Variants in SLC7A4 observed in about 807,000 individuals in gnomAD.
The protein encoded by SLC7A4 is solute carrier family 7 member 4.
In SLC7A4, 30 loss-of-function variants were observed where a neutral mutation model predicts 37.8. The observed-to-expected ratio is 0.79, with a 90% confidence interval of 0.59 to 1.08. The LOEUF is 1.08. Ranked by LOEUF, SLC7A4 falls within the 50% of genes least tolerant of loss-of-function variation. The pLI is 0.00. For synonymous variants in SLC7A4, 359 were observed against 376.5 expected (o/e 0.95, Z 0.54); for missense variants, 839 against 843.2 (o/e 1.00, Z 0.06).
Position 21,029,928 on chromosome 22 carries a change from A to G in SLC7A4, c.1406T>C (p.Leu469Ser). ...CACTGCTCCAGGGCTGTACCCATCCAAGAAGCCCAGGTAGGGCCTCAGGGC... is the reference window on the plus strand; with the variant it reads ...CACTGCTCCAGGGCTGTACCCATCCGAGAAGCCCAGGTAGGGCCTCAGGGC... ...KPALRPYLGFLDGYSPGAVVT... is the reference protein window; with the variant it reads ...KPALRPYLGFSDGYSPGAVVT... The change falls in exon 3 of 5, where the codon TTG (leucine) becomes TCG (serine). Residue 469 changes from leucine (L) to serine (S), a missense_variant. Physicochemically the swap from Leu to Ser is moderately radical, Grantham distance 145 (BLOSUM62 -2). Transcript: ENST00000382932. 6.2e-7 allele frequency: 1 copy of G among 1,613,830 alleles called. No individual in the cohort carries two copies. Among genetic ancestry groups the G allele is most frequent in the Non-Finnish European group, 8.5e-7 (1 of 1,179,964 alleles).
Position 21,031,273 on chromosome 22 carries a change from G to A in SLC7A4, c.540C>T (p.Ala180=), listed in dbSNP as rs745984059. 5.6e-6 allele frequency: 9 copies of A among 1,612,120 alleles called. No individual in the cohort carries two copies. The highest frequency in any genetic ancestry group is 1.7e-5 in the Admixed American group (1 of 59,886). Residue 180 remains alanine (A), a synonymous_variant, in exon 2 of 5, where the codon GCC becomes GCT. Coordinates refer to ENST00000382932, the MANE Select transcript of SLC7A4 (RefSeq NM_004173.3). ...GGGCTCCACAGGAGACAAAGGCAGAGGCCAGGAGGATGATGCCAGCAGCCA... is the reference window on the plus strand; with the variant it reads ...GGGCTCCACAGGAGACAAAGGCAGAAGCCAGGAGGATGATGCCAGCAGCCA... ...DFLAAGIILL[A]SAFVSCGARV...
At position 21,028,878 on chromosome 22, in the gene SLC7A4, C is replaced by T; in HGVS notation, c.*177G>A. 1.7e-6 allele frequency: 1 copy of T among 598,924 alleles called. No homozygotes were observed. The highest frequency in any genetic ancestry group is 2.9e-6 in the Non-Finnish European group (1 of 347,964). The allele number at this position is 598,924 out of a possible 1,614,324, so 37.1% of individuals were successfully genotyped here. A position where few individuals can be genotyped will look rare whatever the true frequency, so the allele number is the denominator to read the frequency against. ...CATGGCACCAGCACCAGCCAAGGCC[C>T]ACTCCTGAAGACCCGAAGCCCAGCC... On this transcript the variant is annotated 3_prime_UTR_variant, in exon 5 of 5. Coordinates refer to ENST00000382932, the MANE Select transcript of SLC7A4 (RefSeq NM_004173.3).
Position 21,032,101 on chromosome 22 carries a change from C to T in SLC7A4, c.-40-249G>A, listed in dbSNP as rs563328444. Among the ~76,000 whole-genome samples, 16 of 151,008 alleles carry T rather than the reference C, an allele frequency of 1.1e-4. No individual in the cohort carries two copies. In the East Asian group the frequency reaches 3.5e-3, roughly 33 times the overall value. ...GAGGCCTGGTGAGGCCCCACCTGCT[C>T]ACCCGCTCGGTGGCCCTGAGGGGTG... On this transcript the variant is annotated intron_variant, in intron 1 of 4. Transcript: ENST00000382932.
At chr22:21,030,467 C>G in intron 2 of SLC7A4, 116 bp from the exon 3 acceptor site, 1 of 1,078,184 alleles carries the variant, frequency 9.3e-7, no homozygotes, top group African/African-American at 1.6e-5. Context: ...TGTCTGGGCT[C>G]TCAGAGTAAG....
chr22:21,031,187 A>G lies in SLC7A4; in HGVS notation c.626T>C (p.Ile209Thr), dbSNP rs575954643. 7 of 1,613,934 alleles carry G rather than the reference A, an allele frequency of 4.3e-6. No homozygotes were observed. Among genetic ancestry groups the G allele is most frequent in the African/African-American group, 2.7e-5 (2 of 75,044 alleles). Residue 209 changes from isoleucine to threonine, a missense_variant, in exon 2 of 5, where the codon ATT becomes ACT. Transcript: ENST00000382932. ...SAISLLVILFIVILGFILAQP... is the reference protein window; with the variant it reads ...SAISLLVILFTVILGFILAQP... ...GGCCAGGATGAAGCCCAGGATGACA[A>G]TGAAGAGAATGACAAGCAGGCTGAT...
intron 3 of SLC7A4, 100 bp from the exon 4 acceptor site, chr22:21,029,544 A>C: frequency 3.3e-6 from 4 of 1,209,876 alleles, no homozygotes; most frequent in Non-Finnish European, 4.8e-6. Context: ...TTTGTTCCTC[A>C]CGGGAGATTG....
Position 21,029,834 on chromosome 22 carries a change from G to A in SLC7A4, c.1500C>T (p.Asn500=), listed in dbSNP as rs1412215999. The change falls in exon 3 of 5, where the codon AAC becomes AAT. Residue 500 remains asparagine, a synonymous_variant. Transcript: ENST00000382932. ...CCCAGTGTGGGAGGTGCAGGGTCGA[G>A]TTCCCAAAGACAAGCACGCAGCCTA... ...ITIGCVLVFG[N]STLHLPHWGY... is the part of the protein sequence containing the mutation. The A allele has an allele frequency of 9.9e-6, 16 of 1,613,744 alleles. No homozygotes were observed. The highest frequency in any genetic ancestry group is 1.3e-5 in the Non-Finnish European group (15 of 1,179,990).
Position 21,031,653 on chromosome 22 carries a change from C to G in SLC7A4, c.160G>C (p.Gly54Arg), listed in dbSNP as rs779858926. The G allele has an allele frequency of 3.1e-6, 5 of 1,612,944 alleles. No homozygotes were observed. In the Admixed American group the frequency reaches 8.3e-5, roughly 27 times the overall value. ...LLGVGGMVGS[G>R]LYVLTGAVAK... Reference sequence around the variant, plus strand: ...ACGGCACCTGTGAGCACGTAGAGACCCGAGCCCACCATGCCACCCACGCCC... The same window carrying G: ...ACGGCACCTGTGAGCACGTAGAGACGCGAGCCCACCATGCCACCCACGCCC... Residue 54 changes from glycine to arginine, a missense_variant, in exon 2 of 5, where the codon GGT becomes CGT. Physicochemically the swap from Gly to Arg is moderately radical, Grantham distance 125. Coordinates refer to ENST00000382932, the MANE Select transcript of SLC7A4 (RefSeq NM_004173.3).
rs1569186583 is a variant in SLC7A4, at chr22:21,031,405, G to A, written c.408C>T (p.Ala136=). 6.2e-7 allele frequency: 1 copy of A among 1,607,986 alleles called. No individual in the cohort carries two copies. The highest frequency in any genetic ancestry group is 2.2e-5 in the East Asian group (1 of 44,850). Reference sequence around the variant, plus strand: ...ACATAGAGTCCAGGTAGCCACTCCAGGCACGGGCCACGGCGGCGCCACCGA... The same window carrying A: ...ACATAGAGTCCAGGTAGCCACTCCAAGCACGGGCCACGGCGGCGCCACCGA... ...YIIGGAAVAR[A]WSGYLDSMFS... The change falls in exon 2 of 5, where the codon GCC becomes GCT. Residue 136 remains alanine (A), a synonymous_variant. Coordinates refer to ENST00000382932, the MANE Select transcript of SLC7A4 (RefSeq NM_004173.3).
chr22:21,029,048 T>A lies in SLC7A4; in HGVS notation c.*7A>T, dbSNP rs373270307. The stretch of plus-strand genomic sequence containing the variant: ...GTGGGAGGGCGGGGCAAGTGTGGGC[T>A]GATCAGCTACTCCATATGGCCAGGG... On this transcript the variant is annotated 3_prime_UTR_variant, in exon 5 of 5. Transcript: ENST00000382932. 2 of 1,599,020 alleles carry A rather than the reference T, an allele frequency of 1.3e-6. No individual in the cohort carries two copies. The highest frequency in any genetic ancestry group is 2.7e-5 in the African/African-American group (2 of 74,694).
chr22:21,031,667 C>T lies in SLC7A4; in HGVS notation c.146G>A (p.Gly49Asp), dbSNP rs771666890. Residue 49 changes from glycine to aspartate, a missense_variant, in exon 2 of 5, where the codon GGC (glycine) becomes GAC (aspartate). Transcript: ENST00000382932. Reference protein sequence around the residue: ...TLDLTLLGVGGMVGSGLYVLT... With the variant: ...TLDLTLLGVGDMVGSGLYVLT... ...CACGTAGAGACCCGAGCCCACCATG[C>T]CACCCACGCCCAGAAGAGTCAGGTC... is the stretch of plus-strand genomic sequence containing the variant. 1 of 1,613,240 alleles carries T rather than the reference C, an allele frequency of 6.2e-7. No individual in the cohort carries two copies.
At position 21,029,086 on chromosome 22, in the gene SLC7A4, G is replaced by C; in HGVS notation, c.1877C>G (p.Ala626Gly). ...TVQAMQPPSQ[A>G]PAQDPGHME is the part of the protein sequence containing the mutation. ...CATATGGCCAGGGTCCTGTGCTGGT[G>C]CCTGGCTGGGGGGCTGCATAGCCTG... Residue 626 changes from alanine (A) to glycine (G), a missense_variant, in exon 5 of 5, where the codon GCA becomes GGA. Coordinates refer to ENST00000382932, the MANE Select transcript of SLC7A4 (RefSeq NM_004173.3). 6.2e-7 allele frequency: 1 copy of C among 1,611,886 alleles called. No individual in the cohort carries two copies.
chr22:21,029,645 G>A, intron 3 of SLC7A4, 66 bp downstream of exon 3: 1 of 1,508,386 alleles, frequency 6.6e-7, no homozygotes, highest in Non-Finnish European at 9.1e-7. Flanking sequence ...ATTCTGGGAT[G>A]GTAGTGGGGG....
chr22:21,030,048 C>T lies in SLC7A4; in HGVS notation c.1286G>A (p.Gly429Asp), dbSNP rs750180589. 4.8e-5 allele frequency: 77 copies of T among 1,611,034 alleles called. No individual in the cohort carries two copies. The Admixed American group carries it at 8.5e-4, about 18-fold the overall frequency. The change falls in exon 3 of 5, where the codon GGC becomes GAC. Residue 429 changes from glycine (G) to aspartate (D), a missense_variant. Coordinates refer to ENST00000382932, the MANE Select transcript of SLC7A4 (RefSeq NM_004173.3). ...PPSSPGPASP[G>D]PLTKQQSSFS... ...GGAGCTCTGCTGCTTGGTCAGGGGG[C>T]CAGGGCTGGCTGGGCCTGGGGAGCT...
Position 21,029,084 on chromosome 22 carries a change from G to T in SLC7A4, c.1879C>A (p.Pro627Thr). 4 of 1,611,788 alleles carry T rather than the reference G, an allele frequency of 2.5e-6. No individual in the cohort carries two copies. Among genetic ancestry groups the T allele is most frequent in the Non-Finnish European group, 2.5e-6 (3 of 1,179,672 alleles). Residue 627 changes from proline to threonine, a missense_variant, in exon 5 of 5, where the codon CCA becomes ACA. Transcript: ENST00000382932. ...VQAMQPPSQA[P>T]AQDPGHME ...TCCATATGGCCAGGGTCCTGTGCTG[G>T]TGCCTGGCTGGGGGGCTGCATAGCC...
chr22:21,031,817 G>A lies in SLC7A4; in HGVS notation c.-5C>T, dbSNP rs1283071098. The A allele has an allele frequency of 2.7e-6, 4 of 1,487,676 alleles. No homozygotes were observed. In the Admixed American group the frequency reaches 9.5e-5, roughly 35 times the overall value. The allele number at this position is 1,487,676 out of a possible 1,614,324, so 92.2% of individuals were successfully genotyped here. A position where few individuals can be genotyped will look rare whatever the true frequency, so the allele number is the denominator to read the frequency against. On this transcript the variant is annotated 5_prime_UTR_variant, in exon 2 of 5. Transcript: ENST00000382932. ...GGTGGGCAGCCCCCGGGCCATGGCA[G>A]GTGGCCGAGAAGAGCACCGAGCCAG...
Position 21,030,890 on chromosome 22 carries a change from G to T in SLC7A4, c.923C>A (p.Ala308Asp), listed in dbSNP as rs771537405. 3.1e-6 allele frequency: 5 copies of T among 1,613,076 alleles called. No individual in the cohort carries two copies. In the East Asian group the frequency reaches 8.9e-5, roughly 29 times the overall value. The change falls in exon 2 of 5, where the codon GCC (alanine) becomes GAC (aspartate). Residue 308 changes from alanine to aspartate, a missense_variant. Ala to Asp is a moderately radical substitution (Grantham distance 126). Transcript: ENST00000382932. ...SLDPDSALAD[A>D]FYQRGYRWAG... Reference sequence around the variant, plus strand: ...CCACCTGTAGCCCCGCTGGTAGAAGGCATCTGCAAGCGCTGAGTCGGGGTC... The same window carrying T: ...CCACCTGTAGCCCCGCTGGTAGAAGTCATCTGCAAGCGCTGAGTCGGGGTC...
At position 21,030,956 on chromosome 22, in the gene SLC7A4, A is replaced by G. The variant is rs747810035; in HGVS notation, c.857T>C (p.Val286Ala). The change falls in exon 2 of 5, where the codon GTC (valine) becomes GCC (alanine). Residue 286 changes from valine (V) to alanine (A), a missense_variant. Physicochemically the swap from Val to Ala is moderately conservative, Grantham distance 64. Coordinates refer to ENST00000382932, the MANE Select transcript of SLC7A4 (RefSeq NM_004173.3). Reference sequence around the variant, plus strand: ...CACCATGAGGGTTAGCACGGTGGAGACAAGGATGTAGGCACCAGCTGCAAT... The same window carrying G: ...CACCATGAGGGTTAGCACGGTGGAGGCAAGGATGTAGGCACCAGCTGCAAT... ...LAIAAGAYILVSTVLTLMVPW... is the reference protein window; with the variant it reads ...LAIAAGAYILASTVLTLMVPW... 1 of 1,614,012 alleles carries G rather than the reference A, an allele frequency of 6.2e-7. No individual in the cohort carries two copies. The highest frequency in any genetic ancestry group is 1.1e-5 in the South Asian group (1 of 91,056).
rs1928881385 is a variant in SLC7A4 at position 21,031,442 on chromosome 22, A to G, written c.371T>C (p.Leu124Pro). The change falls in exon 2 of 5, where the codon CTC (leucine) becomes CCC (proline). Residue 124 changes from leucine (L) to proline (P), a missense_variant. By Grantham distance (98) the Leu-to-Pro change is moderately conservative (BLOSUM62 -3). Transcript: ENST00000382932. ...GGCGGCGCCACCGATGATGTATTCG[A>G]GGAGAACATTCCAGCCGATGAGGAA... Reference protein sequence around the residue: ...WAFLIGWNVLLEYIIGGAAVA... With the variant: ...WAFLIGWNVLPEYIIGGAAVA... 2 of 1,601,422 alleles carry G rather than the reference A, an allele frequency of 1.2e-6. No individual in the cohort carries two copies. The highest frequency in any genetic ancestry group is 1.7e-6 in the Non-Finnish European group (2 of 1,173,920).
Sources: gnomAD v4.1 joint callset for allele counts (sites outside exome capture counted in the v4.1 genomes callset) on GRCh38, gnomAD v4.1.1 for gene constraint, MANE v1.5 for transcripts, NCBI Gene and HGNC (gene_info 2026-07-23, HGNC 2026-07-21) for gene names.